The following SKOR2 variants were observed in gnomAD, a reference collection of about 807,000 sequenced individuals.
SKOR2 encodes SKI family transcriptional corepressor 2.
SKOR2 carries 47 observed loss-of-function variants against 69.1 expected under a neutral mutation model. The observed-to-expected ratio is 0.68, with a 90% CI of 0.54 to 0.87. SKOR2 has a LOEUF of 0.87. Ranked by LOEUF, SKOR2 falls within the 40% of genes least tolerant of loss-of-function variation. SKOR2 has a pLI of 0.00. For synonymous variants in SKOR2, 717 were observed against 672.6 expected (o/e 1.07, Z -1.02); for missense variants, 1,404 against 1,472.2 (o/e 0.95, Z 0.76).
chr18:47,247,287 C>A lies in SKOR2; in HGVS notation c.1897G>T (p.Ala633Ser). Residue 633 changes from alanine to serine, a missense_variant, in exon 2 of 9, where the codon GCG (alanine) becomes TCG (serine). Physicochemically the swap from Ala to Ser is moderately conservative, Grantham distance 99. This residue lies in a region of SKOR2 where 1,266 missense variants were observed against 1,309.9 expected (regional missense o/e 0.97). Coordinates refer to ENST00000425639, the MANE Select transcript of SKOR2 (RefSeq NM_001278063.4). The surrounding 1 kb of genome is among the most constrained non-coding windows in gnomAD (Gnocchi z 6.6). ...AFRPVGGKDD[A>S]ESLAKLHGAS... is the part of the protein sequence containing the mutation. ...CCGTGCAGCTTGGCCAGGCTCTCCG[C>A]GTCGTCCTTGCCGCCCACTGGCCGG... 6.7e-7 allele frequency: 1 copy of A among 1,482,518 alleles called. No individual in the cohort carries two copies. The highest frequency in any genetic ancestry group is 8.9e-7 in the Non-Finnish European group (1 of 1,122,316). The allele number at this position is 1,482,518 out of a possible 1,614,324, so 91.8% of individuals were successfully genotyped here.
intron 4 of SKOR2, among the ~76,000 whole-genome samples, chr18:47,233,774 T>C (rs994398164): frequency 6.6e-6 from 1 of 152,214 alleles, no homozygotes; most frequent in Non-Finnish European, 1.5e-5. Context: ...GATAGTTGAA[T>C]TTAAAAATTA....
At chr18:47,215,238 TA>T (rs1168658522) in intron 7 of SKOR2, among the ~76,000 whole-genome samples, 1 of 152,212 alleles carries the variant, frequency 6.6e-6, no homozygotes, top group African/African-American at 2.4e-5. Context: ...AGGCTTGCAT[TA>T]AGTCTTCTGA....
At chr18:47,243,175 C>T (rs539234709) in intron 4 of SKOR2, among the ~76,000 whole-genome samples, 1 of 152,296 alleles carries the variant, frequency 6.6e-6, no homozygotes, top group African/African-American at 2.4e-5. Flanking sequence ...ATTGGTCGTA[C>T]AAGACAGACC....
chr18:47,216,708 T>C (rs908978001), intron 7 of SKOR2, among the ~76,000 whole-genome samples: 3 of 152,202 alleles, frequency 2.0e-5, no homozygotes, highest in South Asian at 2.1e-4. Flanking sequence ...GATAAATGCA[T>C]TGTGGGTCTT....
chr18:47,241,949 A>G (rs2064250741), intron 4 of SKOR2, among the ~76,000 whole-genome samples: 1 of 152,180 alleles, frequency 6.6e-6, no homozygotes, highest in Non-Finnish European at 1.5e-5. Context: ...ACTACGTGTT[A>G]TTACCAATAT....
intron 6 of SKOR2, among the ~76,000 whole-genome samples, chr18:47,225,811 T>G (rs922036272): frequency 1.3e-5 from 2 of 152,028 alleles, no homozygotes; most frequent in African/African-American, 4.8e-5. Flanking sequence ...GAGAGTGGTC[T>G]GCCAGGTAAC....
chr18:47,248,936 CG>C lies in SKOR2; in HGVS notation c.247del (p.Arg83ValfsTer35). On this transcript the variant is annotated frameshift_variant, in exon 2 of 9. Coordinates refer to ENST00000425639, the MANE Select transcript of SKOR2 (RefSeq NM_001278063.4). LOFTEE classifies it high-confidence loss of function. The surrounding 1 kb of genome is among the most constrained non-coding windows in gnomAD (Gnocchi z 6.4). ...ACACGTGATGCCCAGTGCCACGCGA[CG>C]GTTGTGGATCTCGTTGTAGCTGAAG... The part of the protein sequence containing the change: ...KNFSYNEIHN[R>X]RVALGITCVQ... 1 of 1,576,078 alleles carries C rather than the reference CG, an allele frequency of 6.3e-7. No individual in the cohort carries two copies. The highest frequency in any genetic ancestry group is 8.6e-7 in the Non-Finnish European group (1 of 1,168,378).
chr18:47,247,986 C>T lies in SKOR2; in HGVS notation c.1198G>A (p.Gly400Ser). The T allele has an allele frequency of 2.9e-6, 4 of 1,400,616 alleles. No individual in the cohort carries two copies. In the East Asian group the frequency reaches 9.2e-5, roughly 32 times the overall value. The allele number at this position is 1,400,616 out of a possible 1,614,324, so 86.8% of individuals were successfully genotyped here. A position where few individuals can be genotyped will look rare whatever the true frequency, so the allele number is the denominator to read the frequency against. Residue 400 changes from glycine to serine, a missense_variant, in exon 2 of 9, where the codon GGC becomes AGC. Transcript: ENST00000425639. This position sits in a 1 kb window ranked among gnomAD's most constrained non-coding sequence, Gnocchi z 6.6. Reference sequence around the variant, plus strand: ...GGGTGCGGGAAGAGCCCGCCGCAGCCCGGGAACTTCTGCAGGACGCCCCCG... The same window carrying T: ...GGGTGCGGGAAGAGCCCGCCGCAGCTCGGGAACTTCTGCAGGACGCCCCCG... ...SFGGVLQKFPGCGGLFPHPYT... is the reference protein window; with the variant it reads ...SFGGVLQKFPSCGGLFPHPYT...
Position 47,247,560 on chromosome 18 carries a change from A to T in SKOR2, c.1624T>A (p.Ser542Thr), listed in dbSNP as rs1050272678. 5.7e-6 allele frequency: 7 copies of T among 1,235,254 alleles called. No individual in the cohort carries two copies. The Admixed American group carries it at 2.6e-4, about 46-fold the overall frequency. 76.5% of individuals were successfully genotyped at this position (1,235,254 alleles called of 1,614,324 possible). ...CCCCCGGCAGGAGGAGGTGGGCCGGAGCCCGGGCCGTTGGCCACTACCTGC... is the reference window on the plus strand; with the variant it reads ...CCCCCGGCAGGAGGAGGTGGGCCGGTGCCCGGGCCGTTGGCCACTACCTGC... The part of the protein sequence containing the change: ...PPQVVANGPG[S>T]GPPPPAGGAG... Residue 542 changes from serine to threonine, a missense_variant, in exon 2 of 9, where the codon TCC (serine) becomes ACC (threonine). Physicochemically the swap from Ser to Thr is moderately conservative, Grantham distance 58 (BLOSUM62 1). This residue lies in a region of SKOR2 where 1,266 missense variants were observed against 1,309.9 expected (regional missense o/e 0.97). Transcript: ENST00000425639. This position sits in a 1 kb window ranked among gnomAD's most constrained non-coding sequence, Gnocchi z 6.6.
At chr18:47,234,092 A>T (rs892016286) in intron 4 of SKOR2, among the ~76,000 whole-genome samples, 3 of 152,210 alleles carry the variant, frequency 2.0e-5, no homozygotes, top group African/African-American at 7.2e-5. Context: ...TTAGGTAAAT[A>T]AAAAGCACAG....
At chr18:47,211,212 G>A (rs1051981537) in intron 8 of SKOR2, among the ~76,000 whole-genome samples, 1 of 152,158 alleles carries the variant, frequency 6.6e-6, no homozygotes, top group African/African-American at 2.4e-5. Flanking sequence ...GAGGGGAGGA[G>A]TGGGAAGAGT....
Position 47,247,378 on chromosome 18 carries a change from G to A in SKOR2, c.1806C>T (p.Pro602=). 1 of 1,412,508 alleles carries A rather than the reference G, an allele frequency of 7.1e-7. No homozygotes were observed. Among genetic ancestry groups the A allele is most frequent in the Non-Finnish European group, 9.2e-7 (1 of 1,084,844 alleles). 87.5% of individuals were successfully genotyped at this position (1,412,508 alleles called of 1,614,324 possible). ...SGPAGSRVPA[P]HHPHLLEGRK... Reference sequence around the variant, plus strand: ...GCCCCTCCAGAAGGTGCGGATGGTGGGGCGCCGGAACCCGGGAGCCCGCGG... The same window carrying A: ...GCCCCTCCAGAAGGTGCGGATGGTGAGGCGCCGGAACCCGGGAGCCCGCGG... The change falls in exon 2 of 9, where the codon CCC becomes CCT. Residue 602 remains proline (P), a synonymous_variant. Coordinates refer to ENST00000425639, the MANE Select transcript of SKOR2 (RefSeq NM_001278063.4). This position sits in a 1 kb window ranked among gnomAD's most constrained non-coding sequence, Gnocchi z 6.6.
At chr18:47,249,392 C>G (rs573616673) in intron 1 of SKOR2, among the ~76,000 whole-genome samples, 162 bp from the exon 2 acceptor site, 1 of 152,356 alleles carries the variant, frequency 6.6e-6, no homozygotes, top group South Asian at 2.1e-4. Context: ...AAAGTCATCT[C>G]TTAATTTCCT....
In SKOR2 at chr18:47,248,149, C is replaced by G; in HGVS notation, c.1035G>C (p.Ala345=). ...CCCCAGCGCCGCCCCCACCAGTCCCCGCGCCGCCCGAAGCAGCAGCCACAG... is the reference window on the plus strand; with the variant it reads ...CCCCAGCGCCGCCCCCACCAGTCCCGGCGCCGCCCGAAGCAGCAGCCACAG... ...SLSVAAASGG[A]GTGGGGAGGG... The change falls in exon 2 of 9, where the codon GCG becomes GCC. Residue 345 remains alanine (A), a synonymous_variant. Coordinates refer to ENST00000425639, the MANE Select transcript of SKOR2 (RefSeq NM_001278063.4). The surrounding 1 kb of genome is among the most constrained non-coding windows in gnomAD (Gnocchi z 6.4). 1.6e-6 allele frequency: 2 copies of G among 1,260,216 alleles called. No individual in the cohort carries two copies. The highest frequency in any genetic ancestry group is 2.0e-6 in the Non-Finnish European group (2 of 1,009,904). 78.1% of individuals were successfully genotyped at this position (1,260,216 alleles called of 1,614,324 possible).
intron 6 of SKOR2, among the ~76,000 whole-genome samples, chr18:47,222,383 C>T (rs971218892): frequency 1.3e-5 from 2 of 152,000 alleles, no homozygotes; most frequent in African/African-American, 2.4e-5. Flanking sequence ...CATGCACCCA[C>T]TTGTCTTTCC....
At chr18:47,246,471 T>A (rs1471002712) in intron 2 of SKOR2, 100 bp downstream of exon 2, 39 of 1,325,222 alleles carry the variant, frequency 2.9e-5, no homozygotes, top group Non-Finnish European at 3.5e-5. Context: ...TGTGGGGAAA[T>A]CTGGTGATTC....
Position 47,246,948 on chromosome 18 carries a change from C to T in SKOR2, c.2236G>A (p.Val746Met), listed in dbSNP as rs1484814095. ...CCCTCGGGGGGCTTGTGGCCCTCCA[C>T]GTCCACCTCCTGCTCTTCTTCCTCG... ...DDEEEEQEVD[V>M]EGHKPPEGEE... The change falls in exon 2 of 9, where the codon GTG becomes ATG. Residue 746 changes from valine to methionine, a missense_variant. Physicochemically the swap from Val to Met is conservative, Grantham distance 21. Coordinates refer to ENST00000425639, the MANE Select transcript of SKOR2 (RefSeq NM_001278063.4). 6.0e-6 allele frequency: 9 copies of T among 1,497,228 alleles called. No individual in the cohort carries two copies. The highest frequency in any genetic ancestry group is 7.1e-6 in the Non-Finnish European group (8 of 1,129,770). 92.7% of individuals were successfully genotyped at this position (1,497,228 alleles called of 1,614,324 possible).
At chr18:47,226,242 C>T (rs1236963708) in intron 6 of SKOR2, among the ~76,000 whole-genome samples, 8 of 152,182 alleles carry the variant, frequency 5.3e-5, no homozygotes, top group Admixed American at 5.2e-4. Context: ...AGAAGAGATA[C>T]AATTGCTGGG....
intron 4 of SKOR2, among the ~76,000 whole-genome samples, chr18:47,239,700 T>C (rs1193621526): frequency 2.6e-5 from 4 of 152,132 alleles, no homozygotes; most frequent in Non-Finnish European, 5.9e-5. Flanking sequence ...TTTTTAACAA[T>C]CATTAGTAAG....
Sources: allele counts gnomAD v4.1 joint callset (sites outside exome capture counted in the v4.1 genomes callset), GRCh38; gene constraint gnomAD v4.1.1; regional missense constraint gnomAD v4.1.1; non-coding constraint Gnocchi (gnomAD v3.1); transcripts MANE v1.5; gene names NCBI Gene and HGNC (gene_info 2026-07-23, HGNC 2026-07-21).